DDX4: variants seen among roughly 807,000 people sequenced by gnomAD.
DDX4 encodes DEAD-box helicase 4.
In DDX4, 25 loss-of-function variants were observed where a neutral mutation model predicts 100.0. That is an observed-to-expected ratio of 0.25 (90% CI 0.18 to 0.35). The LOEUF is 0.35. Among genes scored for constraint, DDX4 ranks in the 10% least tolerant of loss-of-function variants. The pLI is 1.00. For missense variants in DDX4, 635 were observed against 882.4 expected (o/e 0.72, Z 3.55); for synonymous variants, 259 against 275.7 (o/e 0.94, Z 0.60).
intron 2 of DDX4, among the ~76,000 whole-genome samples, chr5:55,741,788 GAAA>G (rs773297828): frequency 1.5e-5 from 2 of 135,746 alleles, no homozygotes; most frequent in African/African-American, 2.7e-5. Flanking sequence ...GACTCTGTCT[GAAA>G]AAAAAAAAAA....
chr5:55,742,544 TG>T (rs1759037172), intron 2 of DDX4, among the ~76,000 whole-genome samples: 2 of 152,122 alleles, frequency 1.3e-5, no homozygotes, highest in Non-Finnish European at 2.9e-5. Flanking sequence ...AGAATACAGG[TG>T]AAAAAAATGT....
intron 4 of DDX4, 136 bp downstream of exon 4, chr5:55,760,413 T>C: frequency 1.2e-6 from 1 of 839,504 alleles, no homozygotes; most frequent in Non-Finnish European, 1.7e-6. Context: ...GATAATGAGT[T>C]CATCATTTTT....
chr5:55,796,802 CTTTTCTTT>C (rs1742972157), intron 17 of DDX4, among the ~76,000 whole-genome samples: 1 of 73,046 alleles, frequency 1.4e-5, no homozygotes. Flanking sequence ...GAAGACTTTT[CTTTTCTTT>C]TTTTCTTTCT....
rs1355679856 is a variant in DDX4, at chr5:55,787,999, G to A, written c.1171G>A (p.Gly391Arg). The A allele has an allele frequency of 6.2e-7, 1 of 1,612,230 alleles. No homozygotes were observed. Among genetic ancestry groups the A allele is most frequent in the Admixed American group, 1.7e-5 (1 of 59,732 alleles). ...IYLEARKFSF[G>R]TCVRAVVIYG... is the part of the protein sequence containing the mutation. Reference sequence around the variant, plus strand: ...TTTGGAAGCCAGAAAATTTTCTTTTGGGTAAGTACATCAGAGTGCTACTCA... The same window carrying A: ...TTTGGAAGCCAGAAAATTTTCTTTTAGGTAAGTACATCAGAGTGCTACTCA... The change falls in exon 15 of 22, where the codon GGG becomes AGG. Residue 391 changes from glycine to arginine, a missense_variant and splice_region_variant. Physicochemically the swap from Gly to Arg is moderately radical, Grantham distance 125. This residue lies in a region of DDX4 where 446 missense variants were observed against 540.8 expected (regional missense o/e 0.82). Coordinates refer to ENST00000505374, the MANE Select transcript of DDX4 (RefSeq NM_024415.3).
chr5:55,759,155 G>A (rs958861722), intron 3 of DDX4, among the ~76,000 whole-genome samples: 8 of 151,816 alleles, frequency 5.3e-5, no homozygotes, highest in South Asian at 2.1e-4. Flanking sequence ...GTCTCCCAAA[G>A]CTGTTTCCTA....
At chr5:55,799,991 A>G (rs1331530448) in intron 18 of DDX4, among the ~76,000 whole-genome samples, 1 of 152,214 alleles carries the variant, frequency 6.6e-6, no homozygotes, top group Non-Finnish European at 1.5e-5. Flanking sequence ...AAGTTTTATA[A>G]AAACTTTTAA....
chr5:55,764,243 G>A (rs943672213), intron 6 of DDX4, among the ~76,000 whole-genome samples, 179 bp downstream of exon 6: 10 of 152,104 alleles, frequency 6.6e-5, no homozygotes, highest in Non-Finnish European at 1.0e-4. Flanking sequence ...AAAGAATTCA[G>A]GCATCCTAAT....
intron 10 of DDX4, among the ~76,000 whole-genome samples, chr5:55,782,801 T>A (rs1742002985): frequency 6.7e-6 from 1 of 148,622 alleles, no homozygotes; most frequent in Non-Finnish European, 1.5e-5. Flanking sequence ...TTCTTTTCTT[T>A]TTTTTTTTTT....
chr5:55,760,337 C>A lies in DDX4; in HGVS notation c.205+60C>A. ...TGTTGAATAATTGGATATATAGAGGCTTTCATGGCCATTTGGTACAAAGCT... is the reference window on the plus strand; with the variant it reads ...TGTTGAATAATTGGATATATAGAGGATTTCATGGCCATTTGGTACAAAGCT... On this transcript the variant is annotated intron_variant, in intron 4 of 21. Coordinates refer to ENST00000505374, the MANE Select transcript of DDX4 (RefSeq NM_024415.3). 2.0e-6 allele frequency: 3 copies of A among 1,464,972 alleles called. No individual in the cohort carries two copies. In the South Asian group the frequency reaches 4.5e-5, roughly 22 times the overall value. 90.7% of individuals were successfully genotyped at this position (1,464,972 alleles called of 1,614,324 possible).
At position 55,813,668 on chromosome 5, in the gene DDX4, T is replaced by G. The variant is rs200904665; in HGVS notation, c.1616-5T>G. On this transcript the variant is annotated splice_region_variant and splice_polypyrimidine_tract_variant and intron_variant, in intron 18 of 21. Coordinates refer to ENST00000505374, the MANE Select transcript of DDX4 (RefSeq NM_024415.3). ...TTGAATATTAATAATTTCATTGTCT[T>G]GTAGGGGATGAAAGAACTATGGTCT... 62 of 1,575,564 alleles carry G rather than the reference T, an allele frequency of 3.9e-5. No homozygotes were observed. The Middle Eastern group carries it at 6.8e-4, about 17-fold the overall frequency.
intron 18 of DDX4, among the ~76,000 whole-genome samples, chr5:55,812,511 CCGAGA>C (rs1744177362): frequency 3.3e-5 from 4 of 120,846 alleles, no homozygotes; most frequent in Admixed American, 8.6e-5. Context: ...TTGCAGTGAG[CCGAGA>C]TTGTGCCACT....
intron 4 of DDX4, among the ~76,000 whole-genome samples, chr5:55,762,461 G>T (rs1740624633): frequency 6.6e-6 from 1 of 152,062 alleles, no homozygotes; most frequent in South Asian, 2.1e-4. Context: ...TCACATAATT[G>T]GTTTTTTGAA....
intron 21 of DDX4, among the ~76,000 whole-genome samples, chr5:55,815,937 GTTT>G (rs369016313): frequency 1.8e-5 from 2 of 109,180 alleles, no homozygotes; most frequent in Admixed American, 2.1e-4. Context: ...ATCTTAGCTG[GTTT>G]TTTTTTTTTT....
chr5:55,792,612 C>G, intron 16 of DDX4, 29 bp from the exon 17 acceptor site: 1 of 1,254,454 alleles, frequency 8.0e-7, no homozygotes, highest in Non-Finnish European at 1.1e-6. Flanking sequence ...TATGCATTTT[C>G]TGTTTTACCT....
At chr5:55,771,961 A>G in intron 7 of DDX4, among the ~76,000 whole-genome samples, 1 of 152,210 alleles carries the variant, frequency 6.6e-6, no homozygotes, top group South Asian at 2.1e-4. Flanking sequence ...GCGGTGGCTT[A>G]TGCCTGTAAT....
At chr5:55,768,971 TG>T (rs1213373794) in intron 7 of DDX4, among the ~76,000 whole-genome samples, 3 of 152,226 alleles carry the variant, frequency 2.0e-5, no homozygotes, top group Admixed American at 2.0e-4. Context: ...CGGAGTTGTT[TG>T]TTTTTCTGCT....
intron 2 of DDX4, among the ~76,000 whole-genome samples, chr5:55,745,834 A>T (rs1359752635): frequency 6.6e-6 from 1 of 152,234 alleles, no homozygotes; most frequent in Non-Finnish European, 1.5e-5. Context: ...TTTAGACTTT[A>T]TAGGCCTTAC....
chr5:55,756,066 T>G (rs1759910564), intron 3 of DDX4, among the ~76,000 whole-genome samples: 2 of 152,208 alleles, frequency 1.3e-5, no homozygotes, highest in Non-Finnish European at 2.9e-5. Flanking sequence ...TTTGTGGATG[T>G]ATGATATTCC....
chr5:55,801,108 A>C (rs1321465457), intron 18 of DDX4, among the ~76,000 whole-genome samples: 1 of 152,170 alleles, frequency 6.6e-6, no homozygotes, highest in Non-Finnish European at 1.5e-5. Context: ...TATTTAGGCC[A>C]AGCTTGTCCA....
Sources: gnomAD v4.1 joint callset for allele counts (sites outside exome capture counted in the v4.1 genomes callset) on GRCh38, gnomAD v4.1.1 for gene constraint, gnomAD v4.1.1 regional missense constraint, MANE v1.5 for transcripts, NCBI Gene and HGNC (gene_info 2026-07-23, HGNC 2026-07-21) for gene names.